Variants in PTPRT observed in about 807,000 individuals in gnomAD.
The protein encoded by PTPRT is protein tyrosine phosphatase receptor type T.
A neutral mutation model predicts 176.8 loss-of-function variants in PTPRT; 56 were observed. The ratio of observed to expected loss-of-function variants is 0.32; its 90% confidence interval spans 0.26 to 0.40. The LOEUF (loss-of-function observed/expected upper bound fraction) is 0.40, where lower values mean the gene tolerates loss of function less well. PTPRT is among the 10% of genes least tolerant of loss of function. PTPRT has a pLI of 1.00. For missense variants in PTPRT, 1,540 were observed against 1,908.2 expected (o/e 0.81, Z 3.60); for synonymous variants, 783 against 739.0 (o/e 1.06, Z -0.96).
rs530999173 is a variant in PTPRT, at chr20:43,112,673, G to A, written c.88+76973C>T. Among the ~76,000 whole-genome samples, 5 of 152,260 alleles carry A rather than the reference G, an allele frequency of 3.3e-5. No homozygotes were observed. In the South Asian group the frequency reaches 6.2e-4, roughly 19 times the overall value. ...TCCTCTGGTTTGAATGAATCTGCCC[G>A]GCTTCAAAAAGTTTTACTTCATGAT... On this transcript the variant is annotated intron_variant, in intron 1 of 30. Coordinates refer to ENST00000373187, the MANE Select transcript of PTPRT (RefSeq NM_007050.6).
At position 42,316,002 on chromosome 20, in the gene PTPRT, C is replaced by A; in HGVS notation, c.1866-6G>T. On this transcript the variant is annotated splice_region_variant and splice_polypyrimidine_tract_variant and intron_variant, in intron 11 of 30. Coordinates refer to ENST00000373187, the MANE Select transcript of PTPRT (RefSeq NM_007050.6). ...TGACAACCAGCTGATAAACACTGGA[C>A]AGGAAAGAGGAGACACAGATGGTTG... 4 of 1,613,582 alleles carry A rather than the reference C, an allele frequency of 2.5e-6. No homozygotes were observed. The highest frequency in any genetic ancestry group is 3.4e-6 in the Non-Finnish European group (4 of 1,179,738).
intron 16 of PTPRT, among the ~76,000 whole-genome samples, chr20:42,162,668 C>T (rs1989656288): frequency 6.6e-6 from 1 of 152,246 alleles, no homozygotes; most frequent in South Asian, 2.1e-4. Context: ...GTGTCTCCCC[C>T]AGATGTTTTC....
intron 6 of PTPRT, among the ~76,000 whole-genome samples, chr20:42,754,090 C>T (rs2076797681): frequency 6.6e-6 from 1 of 152,176 alleles, no homozygotes; most frequent in African/African-American, 2.4e-5. Flanking sequence ...AGACACATTC[C>T]AGCAGGACAT....
At chr20:42,170,392 G>A (rs144420957) in intron 16 of PTPRT, among the ~76,000 whole-genome samples, 35 of 152,274 alleles carry the variant, frequency 2.3e-4, no homozygotes, top group African/African-American at 8.2e-4. Context: ...AACGAAATGC[G>A]AGAAAAGATA....
intron 2 of PTPRT, among the ~76,000 whole-genome samples, chr20:42,847,538 A>C (rs1416879432): frequency 1.3e-5 from 2 of 152,164 alleles, no homozygotes; most frequent in East Asian, 3.9e-4. Context: ...GGAAGTAAGC[A>C]CTCAAGGCAC....
At chr20:43,145,112 G>C (rs75537039) in intron 1 of PTPRT, among the ~76,000 whole-genome samples, 1 of 152,178 alleles carries the variant, frequency 6.6e-6, no homozygotes, top group East Asian at 1.9e-4. Flanking sequence ...ATCTCCTGCT[G>C]TTTTGTAATT....
intron 7 of PTPRT, among the ~76,000 whole-genome samples, chr20:42,621,716 C>T (rs1207792790): frequency 6.6e-6 from 1 of 152,216 alleles, no homozygotes; most frequent in African/African-American, 2.4e-5. Context: ...TCTTTCTGAT[C>T]TCATCTAGTA....
rs555596688 is a variant in PTPRT, at chr20:42,932,648, TG to T, written c.89-46717del. ...CCAAGAACTTTCCCAGTTTCTGCAC[TG>T]GAAGCCCTGAATCCTGGCAAACCAC... On this transcript the variant is annotated intron_variant, in intron 1 of 30. Transcript: ENST00000373187. Among the ~76,000 whole-genome samples, 451 of 152,216 alleles carry T rather than the reference TG, an allele frequency of 3.0e-3. 1 individual carries two copies. Among genetic ancestry groups the T allele is most frequent in the African/African-American group, 0.01 (423 of 41,582 alleles).
At chr20:43,154,684 T>A (rs949630707) in intron 1 of PTPRT, among the ~76,000 whole-genome samples, 8 of 152,164 alleles carry the variant, frequency 5.3e-5, no homozygotes, top group African/African-American at 1.9e-4. Context: ...TTTTTGGATA[T>A]GACCTCAAAA....
intron 9 of PTPRT, among the ~76,000 whole-genome samples, chr20:42,409,346 G>T (rs2058990480): frequency 6.6e-6 from 1 of 151,658 alleles, no homozygotes; most frequent in Non-Finnish European, 1.5e-5. Context: ...GCCGGGCATG[G>T]TGTCTCGCGC....
chr20:42,491,271 G>A (rs1034268980), intron 7 of PTPRT, among the ~76,000 whole-genome samples: 11 of 152,076 alleles, frequency 7.2e-5, no homozygotes, highest in South Asian at 2.1e-4. Context: ...GCTACTAAGC[G>A]ACTAATAAGT....
intron 2 of PTPRT, among the ~76,000 whole-genome samples, chr20:42,876,233 T>C (rs1034458428): frequency 3.9e-5 from 6 of 152,152 alleles, no homozygotes; most frequent in Admixed American, 3.9e-4. Context: ...GACTCAACAA[T>C]TGCTAAATGG....
chr20:42,522,428 T>C (rs747229126), intron 7 of PTPRT, among the ~76,000 whole-genome samples: 6 of 152,036 alleles, frequency 3.9e-5, no homozygotes, highest in Non-Finnish European at 7.4e-5. Context: ...GCACATTTAT[T>C]TGGCAAACTT....
In PTPRT at chr20:42,771,512, C is replaced by T. The variant is rs2077061884; in HGVS notation, c.607G>A (p.Val203Met). 1 of 1,614,054 alleles carries T rather than the reference C, an allele frequency of 6.2e-7. No homozygotes were observed. Among genetic ancestry groups the T allele is most frequent in the African/African-American group, 1.3e-5 (1 of 74,924 alleles). Reference protein sequence around the residue: ...PHFLRLQNVEVNVGQNATFQC... With the variant: ...PHFLRLQNVEMNVGQNATFQC... Reference sequence around the variant, plus strand: ...AATGTGGCATTCTGCCCCACATTCACCTCCACGTTTTGGAGTCGCAGAAAA... The same window carrying T: ...AATGTGGCATTCTGCCCCACATTCATCTCCACGTTTTGGAGTCGCAGAAAA... Residue 203 changes from valine (V) to methionine (M), a missense_variant, in exon 5 of 31, where the codon GTG (valine) becomes ATG (methionine). By Grantham distance (21) the Val-to-Met change is conservative. Coordinates refer to ENST00000373187, the MANE Select transcript of PTPRT (RefSeq NM_007050.6).
At chr20:42,602,991 G>T (rs979845222) in intron 7 of PTPRT, among the ~76,000 whole-genome samples, 1 of 152,164 alleles carries the variant, frequency 6.6e-6, no homozygotes, top group Non-Finnish European at 1.5e-5. Context: ...GAACAGAGGG[G>T]TGCTCTGTTC....
chr20:42,840,563 C>T (rs6103066), intron 2 of PTPRT, among the ~76,000 whole-genome samples: 18,353 of 152,036 alleles, frequency 0.12, 1,352 homozygotes, highest in East Asian at 0.34. Flanking sequence ...CAGGCATGCA[C>T]CACCAAGCTC....
intron 9 of PTPRT, among the ~76,000 whole-genome samples, chr20:42,426,142 G>A (rs1336944913): frequency 6.6e-6 from 1 of 152,060 alleles, no homozygotes; most frequent in East Asian, 1.9e-4. Flanking sequence ...CCTCAAGCCT[G>A]GAAACCCACA....
intron 1 of PTPRT, among the ~76,000 whole-genome samples, chr20:43,174,161 A>C (rs532462446): frequency 6.6e-6 from 1 of 152,326 alleles, no homozygotes; most frequent in South Asian, 2.1e-4. Context: ...CATGGCACAA[A>C]GTAAGCCAGA....
chr20:42,531,083 T>C (rs2072374980), intron 7 of PTPRT, among the ~76,000 whole-genome samples: 2 of 152,252 alleles, frequency 1.3e-5, no homozygotes, highest in Non-Finnish European at 2.9e-5. Context: ...GTTTGGAAGC[T>C]ATCTTTCTTT....
Sources: allele counts gnomAD v4.1 joint callset (sites outside exome capture counted in the v4.1 genomes callset), GRCh38; gene constraint gnomAD v4.1.1; transcripts MANE v1.5; gene names NCBI Gene and HGNC (gene_info 2026-07-23, HGNC 2026-07-21).